The following DGKB variants were observed in gnomAD, a reference collection of about 807,000 sequenced individuals.
DGKB encodes 90 kDa diacylglycerol kinase.
Under a neutral mutation model 114.3 loss-of-function variants are expected in DGKB, and 67 were observed. That is an observed-to-expected ratio of 0.59 (90% CI 0.48 to 0.72). The LOEUF is 0.72. DGKB is among the 30% of genes least tolerant of loss of function. DGKB has a pLI of 0.00. For missense variants in DGKB, 907 were observed against 975.2 expected, an observed-to-expected ratio of 0.93 and a Z score of 0.93; for synonymous variants, 398 against 323.1, an observed-to-expected ratio of 1.23 and a Z score of -2.49.
intron 21 of DGKB, among the ~76,000 whole-genome samples, chr7:14,397,271 T>C (rs1822364753): frequency 6.6e-6 from 1 of 152,098 alleles, no homozygotes; most frequent in Non-Finnish European, 1.5e-5. Context: ...GGGATAAGAA[T>C]TGTGAGTGCG....
At chr7:14,310,545 C>G (rs6975607) in intron 23 of DGKB, among the ~76,000 whole-genome samples, 2,705 of 152,196 alleles carry the variant, frequency 0.018, 83 homozygotes, top group African/African-American at 0.062. Context: ...CAACCAAAAC[C>G]AATCAAGAAT....
intron 2 of DGKB, among the ~76,000 whole-genome samples, chr7:14,790,713 AGTAAGGTCT>A (rs1840552115): frequency 6.6e-6 from 1 of 152,182 alleles, no homozygotes; most frequent in African/African-American, 2.4e-5. Context: ...GCTTGTATAT[AGTAAGGTCT>A]TAAAATTGGG....
intron 1 of DGKB, among the ~76,000 whole-genome samples, chr7:14,973,435 C>T (rs1787595876): frequency 6.6e-6 from 1 of 151,100 alleles, no homozygotes; most frequent in East Asian, 1.9e-4. Flanking sequence ...GATACAATAA[C>T]ATATGGATTG....
chr7:14,457,464 C>A (rs1054195327), intron 21 of DGKB, among the ~76,000 whole-genome samples: 1 of 152,072 alleles, frequency 6.6e-6, no homozygotes, highest in Non-Finnish European at 1.5e-5. Flanking sequence ...AAATAATATT[C>A]TTGCTATTAA....
intron 21 of DGKB, among the ~76,000 whole-genome samples, chr7:14,385,156 G>A (rs934999304): frequency 1.3e-5 from 2 of 151,792 alleles, no homozygotes; most frequent in South Asian, 2.1e-4. Context: ...CACCTCAAAC[G>A]GACTGACACA....
chr7:14,709,142 A>G (rs908782377), intron 6 of DGKB, among the ~76,000 whole-genome samples: 10 of 151,884 alleles, frequency 6.6e-5, no homozygotes, highest in African/African-American at 2.4e-4. Flanking sequence ...AACCCCATCA[A>G]AAAGTGGGCG....
intron 23 of DGKB, among the ~76,000 whole-genome samples, chr7:14,201,815 GTTGCT>G (rs1422488592): frequency 2.0e-5 from 3 of 151,832 alleles, no homozygotes; most frequent in Non-Finnish European, 4.4e-5. Context: ...CATATATCAT[GTTGCT>G]TTGGAGTTTG....
chr7:14,586,175 G>A (rs556204891), intron 17 of DGKB, among the ~76,000 whole-genome samples: 51 of 152,214 alleles, frequency 3.4e-4, no homozygotes, highest in African/African-American at 1.2e-3. Context: ...CTGTAAAAGC[G>A]AAGGCAAAGT....
At chr7:14,543,309 T>C (rs993924147) in intron 20 of DGKB, among the ~76,000 whole-genome samples, 2 of 151,864 alleles carry the variant, frequency 1.3e-5, no homozygotes, top group African/African-American at 4.8e-5. Context: ...CCAGGCATGG[T>C]GGCATGCGCC....
intron 23 of DGKB, among the ~76,000 whole-genome samples, chr7:14,270,618 A>C (rs1213115720): frequency 2.6e-5 from 4 of 152,260 alleles, no homozygotes; most frequent in Admixed American, 2.0e-4. Flanking sequence ...AAATAGGTGC[A>C]TAAGTTAAAA....
At chr7:14,877,559 A>G (rs1853501675) in intron 1 of DGKB, among the ~76,000 whole-genome samples, 1 of 152,234 alleles carries the variant, frequency 6.6e-6, no homozygotes, top group Non-Finnish European at 1.5e-5. Context: ...TTGTCTCAAA[A>G]AACAAAAAAC....
Position 14,148,818 on chromosome 7 carries a change from C to T in DGKB, c.*313G>A, listed in dbSNP as rs1584035708. 1 of 360,638 alleles carries T rather than the reference C, an allele frequency of 2.8e-6. No homozygotes were observed. Among genetic ancestry groups the T allele is most frequent in the Non-Finnish European group, 5.1e-6 (1 of 197,142 alleles). The allele number at this position is 360,638 out of a possible 1,614,324, so 22.3% of individuals were successfully genotyped here. A position where few individuals can be genotyped will look rare whatever the true frequency, so the allele number is the denominator to read the frequency against. ...CCTTTTTCATGTTTCACGGGTTTTTCTCACAGGTTAGTAAAAGGAAATTGG... is the reference window on the plus strand; with the variant it reads ...CCTTTTTCATGTTTCACGGGTTTTTTTCACAGGTTAGTAAAAGGAAATTGG... On this transcript the variant is annotated 3_prime_UTR_variant, in exon 26 of 26. Transcript: ENST00000402815.
chr7:14,827,465 T>A (rs1455507152), intron 2 of DGKB, among the ~76,000 whole-genome samples: 2 of 151,474 alleles, frequency 1.3e-5, no homozygotes, highest in African/African-American at 4.9e-5. Context: ...ACAGACAGAC[T>A]AACTACACGG....
At chr7:14,311,871 G>C (rs564359512) in intron 23 of DGKB, among the ~76,000 whole-genome samples, 1 of 152,162 alleles carries the variant, frequency 6.6e-6, no homozygotes, top group Admixed American at 6.5e-5. Flanking sequence ...GAAGGCGGGG[G>C]AGGTGGTCTC....
At position 14,209,896 on chromosome 7, in the gene DGKB, C is replaced by CTT. The variant is rs35178096; in HGVS notation, c.2123-31747_2123-31746dup. ...AAAAGGTTATTCACCCTATGGCTGT[C>CTT]TTTTTTTTTTTAATGTTGAGCATTC... On this transcript the variant is annotated intron_variant, in intron 23 of 25. Coordinates refer to ENST00000402815, the MANE Select transcript of DGKB (RefSeq NM_001350709.2). Among the ~76,000 whole-genome samples the CTT allele has an allele frequency of 7.5e-5, 11 of 146,410 alleles. No homozygotes were observed. In the South Asian group the frequency reaches 2.4e-3, roughly 32 times the overall value.
intron 20 of DGKB, among the ~76,000 whole-genome samples, chr7:14,499,547 G>A (rs1785810089): frequency 6.6e-6 from 1 of 151,774 alleles, no homozygotes. Flanking sequence ...AGACATGGCA[G>A]ATCAGTGATA....
chr7:14,705,579 C>T (rs892258107), intron 6 of DGKB, among the ~76,000 whole-genome samples: 4 of 149,480 alleles, frequency 2.7e-5, no homozygotes, highest in African/African-American at 9.8e-5. Context: ...GGTCGGGTTC[C>T]CCTCAAAGGG....
chr7:14,660,123 G>A (rs1328521120), intron 13 of DGKB, among the ~76,000 whole-genome samples: 1 of 151,410 alleles, frequency 6.6e-6, no homozygotes, highest in Non-Finnish European at 1.5e-5. Flanking sequence ...TGTGCTGCTG[G>A]ATTTGTTTTG....
intron 2 of DGKB, among the ~76,000 whole-genome samples, chr7:14,804,987 T>C (rs1048965630): frequency 1.3e-5 from 2 of 152,132 alleles, no homozygotes; most frequent in African/African-American, 4.8e-5. Context: ...TAGAGCTGAT[T>C]TTTATTGTCT....
Sources: allele counts gnomAD v4.1 joint callset (sites outside exome capture counted in the v4.1 genomes callset), GRCh38; gene constraint gnomAD v4.1.1; transcripts MANE v1.5; gene names NCBI Gene and HGNC (gene_info 2026-07-23, HGNC 2026-07-21).